ATF6: variants seen among roughly 807,000 people sequenced by gnomAD.
The protein encoded by ATF6 is activating transcription factor 6.
ATF6 carries 53 observed loss-of-function variants against 83.6 expected under a neutral mutation model. That is an observed-to-expected ratio of 0.63 (90% CI 0.51 to 0.80). The LOEUF (loss-of-function observed/expected upper bound fraction) is 0.80, where lower values mean the gene tolerates loss of function less well. Among genes scored for constraint, ATF6 ranks in the 30% least tolerant of loss-of-function variants. ATF6 has a pLI of 0.00. For synonymous variants in ATF6, 288 were observed against 285.8 expected (o/e 1.01, Z -0.08); for missense variants, 744 against 797.9 (o/e 0.93, Z 0.81).
At chr1:161,827,032 A>G (rs1044772922) in intron 9 of ATF6, among the ~76,000 whole-genome samples, 1 of 150,930 alleles carries the variant, frequency 6.6e-6, no homozygotes, top group Non-Finnish European at 1.5e-5. Flanking sequence ...CCCAGGTTCA[A>G]GCGATTCTCC....
chr1:161,843,916 A>C (rs777666591), intron 9 of ATF6, among the ~76,000 whole-genome samples: 20 of 152,188 alleles, frequency 1.3e-4, no homozygotes, highest in Non-Finnish European at 1.6e-4. Context: ...TTTTTAAAGG[A>C]ATTGATATAA....
At chr1:161,901,579 G>T (rs1394763260) in intron 14 of ATF6, among the ~76,000 whole-genome samples, 1 of 151,376 alleles carries the variant, frequency 6.6e-6, no homozygotes, top group Non-Finnish European at 1.5e-5. Context: ...AAGATAACAA[G>T]ATTCTTATAT....
intron 15 of ATF6, among the ~76,000 whole-genome samples, chr1:161,916,337 A>G (rs1688100841): frequency 6.6e-6 from 1 of 152,218 alleles, no homozygotes; most frequent in Non-Finnish European, 1.5e-5. Flanking sequence ...AGAGACCCTT[A>G]AATAGATACC....
chr1:161,853,964 T>A (rs542771870), intron 12 of ATF6, among the ~76,000 whole-genome samples: 2 of 152,344 alleles, frequency 1.3e-5, no homozygotes, highest in African/African-American at 4.8e-5. Context: ...ATAAAGTCCC[T>A]ACCTTAATGG....
intron 14 of ATF6, among the ~76,000 whole-genome samples, chr1:161,897,176 G>T (rs1376113362): frequency 2.6e-5 from 4 of 152,108 alleles, no homozygotes; most frequent in Non-Finnish European, 4.4e-5. Context: ...GCACACACCT[G>T]TAATCCTAGC....
intron 9 of ATF6, among the ~76,000 whole-genome samples, chr1:161,832,902 G>A (rs1686102982): frequency 6.6e-6 from 1 of 152,226 alleles, no homozygotes; most frequent in Non-Finnish European, 1.5e-5. Flanking sequence ...GCTTTGAAGA[G>A]AGTAGTGGTT....
chr1:161,847,897 G>A (rs927368477), intron 10 of ATF6, among the ~76,000 whole-genome samples: 3 of 152,124 alleles, frequency 2.0e-5, no homozygotes, highest in Middle Eastern at 3.2e-3. Context: ...TGCACTAACT[G>A]CAGCAAGTAG....
At chr1:161,817,757 TCTAGG>T (rs1685648318) in intron 7 of ATF6, among the ~76,000 whole-genome samples, 1 of 152,164 alleles carries the variant, frequency 6.6e-6, no homozygotes, top group African/African-American at 2.4e-5. Flanking sequence ...TACTTCTCTT[TCTAGG>T]AAATGTAGTA....
intron 7 of ATF6, among the ~76,000 whole-genome samples, chr1:161,811,861 T>G (rs910430504): frequency 5.3e-5 from 8 of 152,200 alleles, no homozygotes; most frequent in African/African-American, 1.9e-4. Context: ...TACCCCTAAT[T>G]TTTTCAGTGT....
intron 9 of ATF6, among the ~76,000 whole-genome samples, chr1:161,829,150 A>G (rs1042346201): frequency 6.6e-6 from 1 of 150,820 alleles, no homozygotes; most frequent in East Asian, 2.0e-4. Context: ...TTAGAGACCT[A>G]CAAAGAGACT....
At position 161,846,468 on chromosome 1, in the gene ATF6, A is replaced by G. The variant is rs1354267737; in HGVS notation, c.1207A>G (p.Arg403Gly). The change falls in exon 10 of 16, where the codon AGG becomes GGG. Residue 403 changes from arginine (R) to glycine (G), a missense_variant. By Grantham distance (125) the Arg-to-Gly change is moderately radical. Transcript: ENST00000367942. ...GPMSMLEQDS[R>G]RMNPSVSPAN... ...TTTCAGCATGTTGGAACAGGATTCCAGGAGAATGAACCCTAGTGTGAGCCC... is the reference window on the plus strand; with the variant it reads ...TTTCAGCATGTTGGAACAGGATTCCGGGAGAATGAACCCTAGTGTGAGCCC... 6.2e-7 allele frequency: 1 copy of G among 1,603,234 alleles called. No individual in the cohort carries two copies. Among genetic ancestry groups the G allele is most frequent in the Admixed American group, 1.7e-5 (1 of 57,588 alleles).
intron 4 of ATF6, among the ~76,000 whole-genome samples, chr1:161,786,053 A>G (rs1343943255): frequency 1.3e-5 from 2 of 151,276 alleles, no homozygotes; most frequent in Non-Finnish European, 2.9e-5. Flanking sequence ...GCTCACTGCA[A>G]CCTCCGCCTC....
chr1:161,932,855 T>G (rs7516104), intron 15 of ATF6, among the ~76,000 whole-genome samples: 97,847 of 151,976 alleles, frequency 0.64, 33,318 homozygotes, highest in Non-Finnish European at 0.77. Context: ...TCAGTTCCTT[T>G]TGAGCTTTTG....
chr1:161,775,427 A>G (rs2101719738), intron 1 of ATF6, among the ~76,000 whole-genome samples: 1 of 151,794 alleles, frequency 6.6e-6, no homozygotes, highest in East Asian at 1.9e-4. Flanking sequence ...GTAACTATCT[A>G]ACTCTATCAT....
intron 1 of ATF6, among the ~76,000 whole-genome samples, chr1:161,774,406 TACACACACACACACAC>T (rs60069049): frequency 6.7e-6 from 1 of 148,426 alleles, no homozygotes; most frequent in South Asian, 2.1e-4. Context: ...TATGGATATG[TACACACACACACACAC>T]ACACACACAC....
intron 14 of ATF6, among the ~76,000 whole-genome samples, chr1:161,909,888 G>A (rs980526110): frequency 1.3e-5 from 2 of 152,118 alleles, no homozygotes; most frequent in African/African-American, 2.4e-5. Context: ...CCCGGGAGGC[G>A]GAGCTTGCAG....
At chr1:161,819,572 C>T in intron 7 of ATF6, 61 bp from the exon 8 acceptor site, 1 of 1,299,780 alleles carries the variant, frequency 7.7e-7, no homozygotes, top group Non-Finnish European at 1.0e-6. Context: ...TGAGTATATT[C>T]TGATCTATTT....
chr1:161,809,391 G>T (rs112992401), intron 7 of ATF6, among the ~76,000 whole-genome samples: 10 of 152,128 alleles, frequency 6.6e-5, no homozygotes, highest in African/African-American at 2.2e-4. Context: ...TTTTATGGCT[G>T]CATAGTATTC....
intron 6 of ATF6, among the ~76,000 whole-genome samples, chr1:161,799,653 A>T (rs1210738931): frequency 1.3e-5 from 2 of 152,234 alleles, no homozygotes; most frequent in African/African-American, 4.8e-5. Flanking sequence ...ATGATCATTT[A>T]TGCCGAAGTA....
Sources: gnomAD v4.1 joint callset for allele counts (sites outside exome capture counted in the v4.1 genomes callset) on GRCh38, gnomAD v4.1.1 for gene constraint, MANE v1.5 for transcripts, NCBI Gene and HGNC (gene_info 2026-07-23, HGNC 2026-07-21) for gene names.